Variants in OPCML observed in about 807,000 individuals in gnomAD.
The protein encoded by OPCML is opioid binding protein/cell adhesion molecule like, also known as opioid-binding protein/cell adhesion molecule.
OPCML carries 13 observed loss-of-function variants against 37.8 expected under a neutral mutation model. The observed-to-expected ratio is 0.34, with a 90% CI of 0.22 to 0.55. The LOEUF (loss-of-function observed/expected upper bound fraction) is 0.55, where lower values mean the gene tolerates loss of function less well. OPCML is among the 20% of genes least tolerant of loss of function. OPCML has a pLI of 0.91. For synonymous variants in OPCML, 176 were observed against 168.8 expected, an observed-to-expected ratio of 1.04 and a Z score of -0.33; for missense variants, 341 against 435.6, an observed-to-expected ratio of 0.78 and a Z score of 1.93.
At chr11:132,994,255 C>T (rs1373651455) in intron 1 of OPCML, among the ~76,000 whole-genome samples, 2 of 152,168 alleles carry the variant, frequency 1.3e-5, no homozygotes, top group Non-Finnish European at 2.9e-5. Context: ...GGAGCACGTC[C>T]GGGGCTTTTA....
intron 1 of OPCML, among the ~76,000 whole-genome samples, chr11:133,217,178 A>G (rs1418968687): frequency 1.3e-5 from 2 of 151,770 alleles, no homozygotes; most frequent in African/African-American, 4.8e-5. Context: ...TAGACCCCCC[A>G]TCTCTCTTTT....
chr11:133,422,942 C>G (rs543309309), intron 1 of OPCML: 4 of 985,178 alleles, frequency 4.1e-6, no homozygotes, highest in Non-Finnish European at 4.8e-6. Context: ...GGGGCTAGAA[C>G]AAAATGCTCT....
chr11:132,681,439 G>A (rs1942937831), intron 2 of OPCML, among the ~76,000 whole-genome samples: 1 of 152,092 alleles, frequency 6.6e-6, no homozygotes, highest in African/African-American at 2.4e-5. Flanking sequence ...GGCTTCATGG[G>A]GGACAGCTTG....
At chr11:133,180,634 G>A (rs1182720995) in intron 1 of OPCML, among the ~76,000 whole-genome samples, 1 of 152,074 alleles carries the variant, frequency 6.6e-6, no homozygotes, top group Non-Finnish European at 1.5e-5. Flanking sequence ...GGCTAGAAGG[G>A]AGGACACATG....
intron 1 of OPCML, among the ~76,000 whole-genome samples, chr11:133,370,353 T>A (rs574528436): frequency 6.6e-6 from 1 of 152,204 alleles, no homozygotes; most frequent in African/African-American, 2.4e-5. Flanking sequence ...CTCTTAGATC[T>A]GATAAATAAA....
chr11:132,877,016 T>A (rs1943046074), intron 2 of OPCML, among the ~76,000 whole-genome samples: 1 of 152,238 alleles, frequency 6.6e-6, no homozygotes, highest in Admixed American at 6.5e-5. Flanking sequence ...AAAGAAAGCC[T>A]GGGCTTTGCC....
intron 1 of OPCML, among the ~76,000 whole-genome samples, chr11:133,449,350 G>A (rs1946533050): frequency 6.6e-6 from 1 of 152,232 alleles, no homozygotes; most frequent in South Asian, 2.1e-4. Flanking sequence ...AAGGCAATGT[G>A]TAAATGAATG....
intron 7 of OPCML, among the ~76,000 whole-genome samples, chr11:132,435,452 G>T (rs561879471): frequency 1.6e-4 from 25 of 152,346 alleles, no homozygotes; most frequent in African/African-American, 6.0e-4. Context: ...GGCCCATGGT[G>T]TGAAATGTTG....
At chr11:133,243,922 G>A (rs535750838) in intron 1 of OPCML, among the ~76,000 whole-genome samples, 2 of 152,342 alleles carry the variant, frequency 1.3e-5, no homozygotes, top group Admixed American at 6.5e-5. Context: ...GGGCGAGGGA[G>A]CTGCAATGTG....
At chr11:132,916,047 A>G (rs1288599886) in intron 2 of OPCML, among the ~76,000 whole-genome samples, 5 of 152,116 alleles carry the variant, frequency 3.3e-5, no homozygotes, top group African/African-American at 1.2e-4. Context: ...GTGTGCATGT[A>G]TGGGTAAAAT....
At chr11:133,042,732 C>A (rs1250308695) in intron 1 of OPCML, among the ~76,000 whole-genome samples, 1 of 152,156 alleles carries the variant, frequency 6.6e-6, no homozygotes, top group African/African-American at 2.4e-5. Flanking sequence ...GGTTTCCAAA[C>A]GTTATCGGAG....
At chr11:132,877,956 T>C (rs559401706) in intron 2 of OPCML, among the ~76,000 whole-genome samples, 11 of 152,298 alleles carry the variant, frequency 7.2e-5, no homozygotes, top group South Asian at 6.2e-4. Context: ...ATTCACCATT[T>C]TGGCAAAATA....
intron 1 of OPCML, among the ~76,000 whole-genome samples, chr11:133,429,340 C>T (rs1946069998): frequency 6.6e-6 from 1 of 152,076 alleles, no homozygotes; most frequent in African/African-American, 2.4e-5. Flanking sequence ...GGAAATGGGA[C>T]CAGAGACAGA....
chr11:133,291,662 C>A (rs1199070470), intron 1 of OPCML, among the ~76,000 whole-genome samples: 2 of 152,260 alleles, frequency 1.3e-5, no homozygotes, highest in Non-Finnish European at 2.9e-5. Flanking sequence ...GGTGAGATCA[C>A]ACAGGCTTAT....
chr11:132,722,032 T>C (rs1200788446), intron 2 of OPCML, among the ~76,000 whole-genome samples: 2 of 134,462 alleles, frequency 1.5e-5, no homozygotes, highest in Non-Finnish European at 3.1e-5. Flanking sequence ...CTCGGCTCAC[T>C]GCAAGCTCCA....
chr11:132,701,184 C>T (rs367556835), intron 2 of OPCML, among the ~76,000 whole-genome samples: 4 of 152,196 alleles, frequency 2.6e-5, no homozygotes, highest in African/African-American at 9.6e-5. Context: ...AAAGGAGAAG[C>T]AAAGGCACAT....
chr11:132,420,053 TAAAC>T lies in OPCML; in HGVS notation c.*136_*139del. ...CTGGAAATAAAAGCAAACAAACAAA[TAAAC>T]AAAAACAAAAAGAAAACAAATCTAG... On this transcript the variant is annotated 3_prime_UTR_variant, in exon 8 of 8. Transcript: ENST00000524381. The T allele has an allele frequency of 8.2e-6, 2 of 244,562 alleles. No homozygotes were observed. Among genetic ancestry groups the T allele is most frequent in the Middle Eastern group, 6.0e-4 (1 of 1,660 alleles). 15.1% of individuals were successfully genotyped at this position (244,562 alleles called of 1,614,324 possible). A position where few individuals can be genotyped will look rare whatever the true frequency, so the allele number is the denominator to read the frequency against.
chr11:132,836,515 G>GA (rs1418903093), intron 2 of OPCML, among the ~76,000 whole-genome samples: 7 of 152,136 alleles, frequency 4.6e-5, no homozygotes, highest in African/African-American at 1.7e-4. Flanking sequence ...ACTTTTAGGG[G>GA]AACCGCTGGT....
intron 1 of OPCML, among the ~76,000 whole-genome samples, chr11:133,102,131 T>C (rs999844802): frequency 6.6e-6 from 1 of 152,206 alleles, no homozygotes; most frequent in Non-Finnish European, 1.5e-5. Context: ...GGTGGATACA[T>C]GTCATTATAC....
Sources: allele counts gnomAD v4.1 joint callset (sites outside exome capture counted in the v4.1 genomes callset), GRCh38; gene constraint gnomAD v4.1.1; transcripts MANE v1.5; gene names NCBI Gene and HGNC (gene_info 2026-07-23, HGNC 2026-07-21).